NRXN2: variants seen among roughly 807,000 people sequenced by gnomAD.
NRXN2 encodes neurexin 2.
NRXN2 carries 29 observed loss-of-function variants against 128.8 expected under a neutral mutation model. That is an observed-to-expected ratio of 0.23 (90% CI 0.17 to 0.31). The LOEUF is 0.31. NRXN2 is among the 10% of genes least tolerant of loss of function. The pLI, the probability that NRXN2 is intolerant of heterozygous loss-of-function variation, is 1.00. For missense variants in NRXN2, 1,881 were observed against 2,452.6 expected, an observed-to-expected ratio of 0.77 and a Z score of 4.92; for synonymous variants, 1,098 against 1,075.2, an observed-to-expected ratio of 1.02 and a Z score of -0.41.
At chr11:64,642,478 C>A in intron 17 of NRXN2, 2 of 1,545,210 alleles carry the variant, frequency 1.3e-6, no homozygotes, top group East Asian at 2.5e-5. Context: ...CAGCTGCGCA[C>A]ACGGGAAGCG....
intron 15 of NRXN2, among the ~76,000 whole-genome samples, chr11:64,649,239 C>A (rs530800683): frequency 6.6e-6 from 1 of 152,126 alleles, no homozygotes; most frequent in Non-Finnish European, 1.5e-5. Context: ...TTCATAGATG[C>A]GCAGCCCAAT....
rs1279756699 is a variant in NRXN2 at position 64,660,183 on chromosome 11, T to C, written c.2389+149A>G. 1 of 799,066 alleles carries C rather than the reference T, an allele frequency of 1.3e-6. No homozygotes were observed. Among genetic ancestry groups the C allele is most frequent in the Non-Finnish European group, 2.1e-6 (1 of 471,724 alleles). 49.5% of individuals were successfully genotyped at this position (799,066 alleles called of 1,614,324 possible). On this transcript the variant is annotated intron_variant, in intron 11 of 22. Coordinates refer to ENST00000265459, the MANE Select transcript of NRXN2 (RefSeq NM_015080.4). This position sits in a 1 kb window ranked among gnomAD's most constrained non-coding sequence, Gnocchi z 5.2. ...CTCACCAGGGACAGAGCTCTCAGGG[T>C]CTCTGACCCAGGCTGGCGCCTCCCC...
chr11:64,688,189 G>C (rs896020574), intron 5 of NRXN2, among the ~76,000 whole-genome samples: 4 of 152,182 alleles, frequency 2.6e-5, no homozygotes, highest in African/African-American at 7.2e-5. Context: ...GTGGAGAAAC[G>C]AGGCCATTTC....
chr11:64,701,524 A>G (rs2055354197), intron 2 of NRXN2, among the ~76,000 whole-genome samples: 1 of 152,134 alleles, frequency 6.6e-6, no homozygotes, highest in Admixed American at 6.5e-5. Flanking sequence ...GGATCACTTG[A>G]GCCCAGGAGT....
chr11:64,712,853 A>G, intron 2 of NRXN2, 117 bp downstream of exon 2: 1 of 957,764 alleles, frequency 1.0e-6, no homozygotes, highest in Non-Finnish European at 1.6e-6. Flanking sequence ...ACCCACTCAC[A>G]AGCCCTCGTG....
chr11:64,642,697 A>C (rs377111588), intron 17 of NRXN2: 2 of 1,521,086 alleles, frequency 1.3e-6, no homozygotes, highest in Non-Finnish European at 1.8e-6. Context: ...CAGCGGCAAC[A>C]GCGGCAGCAG....
At chr11:64,716,225 G>T (rs929676918) in intron 1 of NRXN2, among the ~76,000 whole-genome samples, 5 of 152,178 alleles carry the variant, frequency 3.3e-5, no homozygotes, top group Non-Finnish European at 5.9e-5. Context: ...CTGGCGGAGG[G>T]AAAAGGATTT....
chr11:64,637,183 CTAA>C (rs2044855926), intron 17 of NRXN2, among the ~76,000 whole-genome samples: 1 of 152,064 alleles, frequency 6.6e-6, no homozygotes, highest in Non-Finnish European at 1.5e-5. Context: ...ACCTGGATGG[CTAA>C]TAACTGACAT....
intron 3 of NRXN2, among the ~76,000 whole-genome samples, chr11:64,697,111 G>GCA (rs1458218006): frequency 6.6e-6 from 1 of 151,904 alleles, no homozygotes; most frequent in Admixed American, 6.6e-5. Context: ...TGAGAGAGAG[G>GCA]CACACACCCC....
chr11:64,713,821 A>C lies in NRXN2; in HGVS notation c.-122T>G. ...CTGAGCGGGGCTCCCTTGCAGGCTC[A>C]CAGTGCCATGGGCCCGGCCGCGGGG... On this transcript the variant is annotated 5_prime_UTR_variant, in exon 2 of 23. The change abolishes the stop of an existing upstream ORF in the 5' untranslated region. Transcript: ENST00000265459. 2.0e-6 allele frequency: 1 copy of C among 500,904 alleles called. No individual in the cohort carries two copies. The highest frequency in any genetic ancestry group is 2.6e-6 in the Non-Finnish European group (1 of 383,546). 31.0% of individuals were successfully genotyped at this position (500,904 alleles called of 1,614,324 possible).
chr11:64,652,262 C>T (rs1025967404), intron 12 of NRXN2, 108 bp from the exon 13 acceptor site: 1 of 1,384,558 alleles, frequency 7.2e-7, no homozygotes, highest in African/African-American at 1.4e-5. Context: ...ACATGCCACA[C>T]ATGAACACAT....
intron 2 of NRXN2, among the ~76,000 whole-genome samples, chr11:64,701,968 C>T (rs1210042370): frequency 7.1e-6 from 1 of 141,782 alleles, no homozygotes; most frequent in Admixed American, 6.9e-5. Context: ...GGTCAGCCCC[C>T]CGCCCGGCCA....
chr11:64,644,631 CT>C (rs1458792024), intron 17 of NRXN2, among the ~76,000 whole-genome samples: 15 of 151,952 alleles, frequency 9.9e-5, no homozygotes, highest in Non-Finnish European at 2.1e-4. Context: ...ATGCACCAAC[CT>C]GCTCGGACAG....
intron 2 of NRXN2, among the ~76,000 whole-genome samples, chr11:64,698,738 G>A (rs1408461277): frequency 6.6e-6 from 1 of 152,212 alleles, no homozygotes; most frequent in Non-Finnish European, 1.5e-5. Context: ...CTCACCAAAT[G>A]GGTCAAGGGA....
chr11:64,645,653 A>T (rs2046537482), intron 17 of NRXN2, among the ~76,000 whole-genome samples: 1 of 152,108 alleles, frequency 6.6e-6, no homozygotes, highest in Non-Finnish European at 1.5e-5. Flanking sequence ...GACACTCATA[A>T]GCCTTAAAGG....
Position 64,660,214 on chromosome 11 carries a change from C to CA in NRXN2, c.2389+117dup. 1 of 1,201,342 alleles carries CA rather than the reference C, an allele frequency of 8.3e-7. No individual in the cohort carries two copies. Among genetic ancestry groups the CA allele is most frequent in the Non-Finnish European group, 1.2e-6 (1 of 814,610 alleles). 74.4% of individuals were successfully genotyped at this position (1,201,342 alleles called of 1,614,324 possible). ...ACCCAGGCTGGCGCCTCCCCACCTC[C>CA]AAACTCTGCTGAGGGCACCTCTTGC... On this transcript the variant is annotated intron_variant, in intron 11 of 22. Transcript: ENST00000265459. The surrounding 1 kb of genome is among the most constrained non-coding windows in gnomAD (Gnocchi z 5.2).
At position 64,631,754 on chromosome 11, in the gene NRXN2, T is replaced by A. The variant is rs750456428; in HGVS notation, c.3586-1181A>T. Among the ~76,000 whole-genome samples the A allele has an allele frequency of 1.3e-5, 2 of 152,062 alleles. No individual in the cohort carries two copies. The highest frequency in any genetic ancestry group is 2.9e-5 in the Non-Finnish European group (2 of 68,002). On this transcript the variant is annotated intron_variant, in intron 18 of 22. Coordinates refer to ENST00000265459, the MANE Select transcript of NRXN2 (RefSeq NM_015080.4). This position sits in a 1 kb window ranked among gnomAD's most constrained non-coding sequence, Gnocchi z 4.8. ...TCAAGGAGGTGGGGGTGTGGGATGATCCAAGAGGCTGCTGAGGCCTACCTT... is the reference window on the plus strand; with the variant it reads ...TCAAGGAGGTGGGGGTGTGGGATGAACCAAGAGGCTGCTGAGGCCTACCTT...
At chr11:64,709,960 T>C (rs1206024333) in intron 2 of NRXN2, among the ~76,000 whole-genome samples, 1 of 148,930 alleles carries the variant, frequency 6.7e-6, no homozygotes, top group Non-Finnish European at 1.5e-5. Context: ...CAGGCTGGAG[T>C]GCAGTGGTGC....
intron 3 of NRXN2, 117 bp from the exon 4 acceptor site, chr11:64,692,993 A>C: frequency 1.3e-5 from 11 of 872,432 alleles, no homozygotes; most frequent in Non-Finnish European, 1.8e-5. Context: ...AGAAGGGAGA[A>C]AAAAGCTTTT....
Sources: gnomAD v4.1 joint callset for allele counts (sites outside exome capture counted in the v4.1 genomes callset) on GRCh38, gnomAD v4.1.1 for gene constraint, Gnocchi (gnomAD v3.1) non-coding constraint, MANE v1.5 for transcripts, NCBI Gene and HGNC (gene_info 2026-07-23, HGNC 2026-07-21) for gene names.